Variants in STAT5B observed in about 807,000 individuals in gnomAD.
STAT5B encodes transcription factor STAT5B.
Under a neutral mutation model 107.8 loss-of-function variants are expected in STAT5B, and 21 were observed. That is an observed-to-expected ratio of 0.19 (90% CI 0.14 to 0.28). The LOEUF (loss-of-function observed/expected upper bound fraction) is 0.28, where lower values mean the gene tolerates loss of function less well. Among genes scored for constraint, STAT5B ranks in the 10% least tolerant of loss-of-function variants. The pLI is 1.00. For missense variants in STAT5B, 565 were observed against 1,008.2 expected (o/e 0.56, Z 5.95); for synonymous variants, 325 against 401.7 (o/e 0.81, Z 2.28).
chr17:42,251,555 A>G (rs372986941), intron 1 of STAT5B, among the ~76,000 whole-genome samples: 3 of 152,314 alleles, frequency 2.0e-5, no homozygotes, highest in South Asian at 2.1e-4. Context: ...AAGACAGGAT[A>G]ACAAAGGATA....
intron 5 of STAT5B, among the ~76,000 whole-genome samples, chr17:42,223,038 G>C (rs1482217847): frequency 6.6e-6 from 1 of 152,020 alleles, no homozygotes; most frequent in Non-Finnish European, 1.5e-5. Flanking sequence ...TTTCAATAAA[G>C]CTCCACTTAT....
At chr17:42,218,419 T>C (rs2080192790) in intron 8 of STAT5B, 89 bp from the exon 9 acceptor site, 1 of 1,548,940 alleles carries the variant, frequency 6.5e-7, no homozygotes, top group South Asian at 1.2e-5. Context: ...TGGGGCTGCC[T>C]CCCGAGGGGC....
chr17:42,204,820 C>T (rs952937810), intron 16 of STAT5B, among the ~76,000 whole-genome samples: 2 of 152,128 alleles, frequency 1.3e-5, no homozygotes, highest in Admixed American at 1.3e-4. Context: ...CACTATGTTG[C>T]CCAGGCTGGT....
chr17:42,276,168 G>GGAGC lies in STAT5B; in HGVS notation c.-11+76_-11+79dup, dbSNP rs1307575889. 6.7e-6 allele frequency: 1 copy of GGAGC among 148,700 alleles called. No homozygotes were observed. The highest frequency in any genetic ancestry group is 1.5e-5 in the Non-Finnish European group (1 of 66,830). 9.2% of individuals were successfully genotyped at this position (148,700 alleles called of 1,614,324 possible). A position where few individuals can be genotyped will look rare whatever the true frequency, so the allele number is the denominator to read the frequency against. ...GGCCCTGACGGGCGGCTGAGCGGCT[G>GGAGC]GAGCGCGGGCCCCGCCCGGGCTGGC... On this transcript the variant is annotated intron_variant, in intron 1 of 18. Transcript: ENST00000293328. The surrounding 1 kb of genome is among the most constrained non-coding windows in gnomAD (Gnocchi z 4.8).
At chr17:42,279,733 G>A (rs2080787954), upstream of STAT5B, among the ~76,000 whole-genome samples, 1 of 151,888 alleles carries the variant, frequency 6.6e-6, no homozygotes, top group Non-Finnish European at 1.5e-5. Flanking sequence ...ACTGGGAGGC[G>A]GAGGTTGCGG....
chr17:42,262,862 A>G (rs1381703319), intron 1 of STAT5B, among the ~76,000 whole-genome samples: 1 of 129,908 alleles, frequency 7.7e-6, no homozygotes, highest in Admixed American at 7.9e-5. Context: ...ATACACACAT[A>G]TATGTGTGTG....
chr17:42,259,133 G>A (rs1325347687), intron 1 of STAT5B, among the ~76,000 whole-genome samples: 1 of 152,170 alleles, frequency 6.6e-6, no homozygotes, highest in Non-Finnish European at 1.5e-5. Flanking sequence ...TGACAGTTGA[G>A]GTATACCTGA....
chr17:42,246,807 C>T (rs8082188), intron 1 of STAT5B, among the ~76,000 whole-genome samples: 53,957 of 151,898 alleles, frequency 0.36, 10,698 homozygotes, highest in African/African-American at 0.53. Flanking sequence ...CAAACACATC[C>T]CTTACCTCTA....
In STAT5B at chr17:42,201,335, C is replaced by T; in HGVS notation, c.*403G>A. 1.8e-6 allele frequency: 1 copy of T among 562,160 alleles called. No homozygotes were observed. Among genetic ancestry groups the T allele is most frequent in the Non-Finnish European group, 3.1e-6 (1 of 317,990 alleles). 34.8% of individuals were successfully genotyped at this position (562,160 alleles called of 1,614,324 possible). A position where few individuals can be genotyped will look rare whatever the true frequency, so the allele number is the denominator to read the frequency against. ...ACATGTGCTTTCTCCTCCCTTTGTC[C>T]TTCTCTTATTCAAACAGCCACATGT... On this transcript the variant is annotated 3_prime_UTR_variant, in exon 19 of 19. Transcript: ENST00000293328.
intron 16 of STAT5B, 31 bp downstream of exon 16, chr17:42,207,526 AC>A (rs2080096042): frequency 1.9e-6 from 3 of 1,596,528 alleles, no homozygotes; most frequent in South Asian, 2.2e-5. Context: ...CACACACACA[AC>A]AAAATCAAAT....
At position 42,227,049 on chromosome 17, in the gene STAT5B, C is replaced by T. The variant is rs534992416; in HGVS notation, c.285+480G>A. Among the ~76,000 whole-genome samples, 71 of 150,416 alleles carry T rather than the reference C, an allele frequency of 4.7e-4. 2 individuals carry two copies. Among genetic ancestry groups the T allele is most frequent in the Admixed American group, 3.6e-3 (54 of 15,064 alleles). On this transcript the variant is annotated intron_variant, in intron 3 of 18. Transcript: ENST00000293328. ...ACTTGAGAGGCTGAGGCAGAAGAATCGCTTGAACCCGGGAGGCAGAGGTTG... is the reference window on the plus strand; with the variant it reads ...ACTTGAGAGGCTGAGGCAGAAGAATTGCTTGAACCCGGGAGGCAGAGGTTG...
rs1165887939 is a variant in STAT5B at position 42,232,128 on chromosome 17, G to A, written c.-1C>T. 4 of 1,613,670 alleles carry A rather than the reference G, an allele frequency of 2.5e-6. No individual in the cohort carries two copies. In the South Asian group the frequency reaches 3.3e-5, roughly 13 times the overall value. ...GCTGAGCTTGTATCCACACAGCCAT[G>A]GTTTACAATCTGTTGAACAAACAAT... On this transcript the variant is annotated 5_prime_UTR_variant, in exon 2 of 19. Coordinates refer to ENST00000293328, the MANE Select transcript of STAT5B (RefSeq NM_012448.4).
intron 13 of STAT5B, among the ~76,000 whole-genome samples, chr17:42,211,591 C>T (rs181519187): frequency 1.6e-4 from 25 of 152,134 alleles, no homozygotes; most frequent in Non-Finnish European, 3.2e-4. Flanking sequence ...ATCAGCATCC[C>T]TCTTTGTGGG....
At chr17:42,234,115 G>A (rs959402246) in intron 1 of STAT5B, 1 of 152,220 alleles carries the variant, frequency 6.6e-6, no homozygotes, top group Non-Finnish European at 1.5e-5. Context: ...AGGGGCCGGT[G>A]ACTTGGACTT....
Position 42,224,824 on chromosome 17 carries a change from G to C in STAT5B, c.330C>G (p.Arg110=), listed in dbSNP as rs745807026. The change falls in exon 4 of 19, where the codon CGC becomes CGG. Residue 110 remains arginine (R), a synonymous_variant. Coordinates refer to ENST00000293328, the MANE Select transcript of STAT5B (RefSeq NM_012448.4). ...ACCTCTGTTCATTGTACAATATATGGCGGATGCAGCGGACCAGCTCCATGG... is the reference window on the plus strand; with the variant it reads ...ACCTCTGTTCATTGTACAATATATGCCGGATGCAGCGGACCAGCTCCATGG... ...RCPMELVRCI[R]HILYNEQRLV... is the part of the protein sequence containing the mutation. The C allele has an allele frequency of 6.2e-7, 1 of 1,613,622 alleles. No individual in the cohort carries two copies. The highest frequency in any genetic ancestry group is 8.5e-7 in the Non-Finnish European group (1 of 1,179,856).
chr17:42,218,109 A>G, intron 9 of STAT5B, 42 bp downstream of exon 9: 1 of 1,602,722 alleles, frequency 6.2e-7, no homozygotes, highest in South Asian at 1.1e-5. Context: ...TTGCCAGGAC[A>G]TGAGACAAGT....
At chr17:42,258,297 T>A (rs2080564107) in intron 1 of STAT5B, among the ~76,000 whole-genome samples, 1 of 152,234 alleles carries the variant, frequency 6.6e-6, no homozygotes, top group Non-Finnish European at 1.5e-5. Flanking sequence ...GTCAACTAAT[T>A]TGGCTTAGAT....
intron 1 of STAT5B, among the ~76,000 whole-genome samples, chr17:42,263,046 T>A (rs1233392289): frequency 6.4e-4 from 77 of 120,134 alleles, no homozygotes; most frequent in South Asian, 1.1e-3. Flanking sequence ...TTTTTTTTTT[T>A]AAAGAGAGAC....
At chr17:42,286,251 A>C in the STAT5B span, among the ~76,000 whole-genome samples, 3 of 151,584 alleles carry the variant, frequency 2.0e-5, no homozygotes, top group Non-Finnish European at 4.4e-5. Context: ...AAAAAAAAAA[A>C]AAAACCCAGA....
Sources: gnomAD v4.1 joint callset for allele counts (sites outside exome capture counted in the v4.1 genomes callset) on GRCh38, gnomAD v4.1.1 for gene constraint, Gnocchi (gnomAD v3.1) non-coding constraint, MANE v1.5 for transcripts, NCBI Gene and HGNC (gene_info 2026-07-23, HGNC 2026-07-21) for gene names.